TIAM1: variants seen among roughly 807,000 people sequenced by gnomAD.
TIAM1 encodes the protein TIAM Rac1 associated GEF 1, also known as rho guanine nucleotide exchange factor TIAM1.
A neutral mutation model predicts 163.5 loss-of-function variants in TIAM1; 65 were observed. The ratio of observed to expected loss-of-function variants is 0.40; its 90% CI spans 0.33 to 0.49. The LOEUF is 0.49. Among genes scored for constraint, TIAM1 ranks in the 20% least tolerant of loss-of-function variants. The probability of loss-of-function intolerance (pLI) is 0.77; values close to 1 mark genes in which losing one functional copy is unlikely to be tolerated. For missense variants in TIAM1, 1,789 were observed against 2,044.7 expected (o/e 0.87, Z 2.41); for synonymous variants, 833 against 810.1 (o/e 1.03, Z -0.48).
chr21:31,536,170 T>C (rs2048128497), intron 1 of TIAM1, among the ~76,000 whole-genome samples: 2 of 152,190 alleles, frequency 1.3e-5, no homozygotes, highest in South Asian at 4.1e-4. Flanking sequence ...AATCGGCTCA[T>C]TCACTCCTCA....
chr21:31,181,199 A>G (rs2084994852), intron 15 of TIAM1, among the ~76,000 whole-genome samples: 1 of 151,936 alleles, frequency 6.6e-6, no homozygotes, highest in African/African-American at 2.4e-5. Context: ...TCACTCACTC[A>G]CTCTCTTGCT....
intron 1 of TIAM1, among the ~76,000 whole-genome samples, chr21:31,551,384 T>G (rs1413697251): frequency 6.6e-6 from 1 of 151,350 alleles, no homozygotes; most frequent in Admixed American, 6.6e-5. Flanking sequence ...CACTCCAGCC[T>G]GGGGAACAGA....
At chr21:31,511,512 A>C (rs183086996) in intron 1 of TIAM1, among the ~76,000 whole-genome samples, 1 of 152,312 alleles carries the variant, frequency 6.6e-6, no homozygotes, top group East Asian at 1.9e-4. Context: ...AAAGGGCATG[A>C]TAATAATAGT....
chr21:31,386,004 A>C (rs2076865370), intron 2 of TIAM1, among the ~76,000 whole-genome samples: 1 of 150,618 alleles, frequency 6.6e-6, no homozygotes, highest in Admixed American at 6.6e-5. Context: ...AAATAACTGT[A>C]TTGTGCCTAT....
intron 15 of TIAM1, among the ~76,000 whole-genome samples, chr21:31,170,926 C>T (rs907046576): frequency 1.3e-5 from 2 of 150,880 alleles, no homozygotes; most frequent in African/African-American, 2.5e-5. Flanking sequence ...ATCCCAGCTA[C>T]TCAGGAGGCT....
In TIAM1 at chr21:31,525,948, C is replaced by T. The variant is rs986273337; in HGVS notation, c.-422+32979G>A. Among the ~76,000 whole-genome samples, 19 of 150,420 alleles carry T rather than the reference C, an allele frequency of 1.3e-4. 1 individual carries two copies. The highest frequency in any genetic ancestry group is 2.9e-5 in the Non-Finnish European group (2 of 67,842). On this transcript the variant is annotated intron_variant, in intron 1 of 28. Transcript: ENST00000286827. The stretch of plus-strand genomic sequence containing the variant: ...ACTCGAGAGGCTGAGGCAGGAGAAT[C>T]GCTTGAACCCGGGAGGCAGAGGTTG...
rs530583613 is a variant in TIAM1 at position 31,233,786 on chromosome 21, C to T, written c.1585-7836G>A. Among the ~76,000 whole-genome samples, 10 of 152,320 alleles carry T rather than the reference C, an allele frequency of 6.6e-5. No individual in the cohort carries two copies. The South Asian group carries it at 1.2e-3, about 19-fold the overall frequency. On this transcript the variant is annotated intron_variant, in intron 6 of 27. Coordinates refer to ENST00000541036, the MANE Select transcript of TIAM1 (RefSeq NM_001353694.2). Reference sequence around the variant, plus strand: ...AATGGATCCCTCTCACCCTCACCCACGCCGGGTTCATTCTTTGGAGAAGAA... The same window carrying T: ...AATGGATCCCTCTCACCCTCACCCATGCCGGGTTCATTCTTTGGAGAAGAA...
Position 31,390,659 on chromosome 21 carries a change from T to C in TIAM1, c.-368-51237A>G, listed in dbSNP as rs140857610. 2.0e-3 allele frequency among the ~76,000 whole-genome samples: 305 copies of C among 152,336 alleles called. 2 individuals carry two copies. The highest frequency in any genetic ancestry group is 3.4e-3 in the Non-Finnish European group (233 of 68,032). The stretch of plus-strand genomic sequence containing the variant: ...GAAATTTTTAAGCAAAACTTCATTA[T>C]GGTTCTTGAAAAGTAAAGTCTAAAA... On this transcript the variant is annotated intron_variant, in intron 2 of 28. Coordinates refer to the TIAM1 transcript ENST00000286827.
chr21:31,388,733 T>C lies in TIAM1; in HGVS notation c.-368-49311A>G, dbSNP rs138671905. Among the ~76,000 whole-genome samples the C allele has an allele frequency of 4.6e-3, 701 of 152,296 alleles. 8 individuals are homozygous for C. Among genetic ancestry groups the C allele is most frequent in the African/African-American group, 0.016 (657 of 41,560 alleles). On this transcript the variant is annotated intron_variant, in intron 2 of 28. Coordinates refer to the TIAM1 transcript ENST00000286827. Reference sequence around the variant, plus strand: ...ATGTTAAGCCCTGCTGCTTATGTTTTTATGCCTCAATTTCTTCATCTGTAA... The same window carrying C: ...ATGTTAAGCCCTGCTGCTTATGTTTCTATGCCTCAATTTCTTCATCTGTAA...
intron 2 of TIAM1, among the ~76,000 whole-genome samples, chr21:31,378,277 A>G (rs560316307): frequency 6.6e-6 from 1 of 152,298 alleles, no homozygotes; most frequent in Non-Finnish European, 1.5e-5. Context: ...TAGATAGGTA[A>G]CATTACTGTT....
At position 31,182,408 on chromosome 21, in the gene TIAM1, T is replaced by C. The variant is rs1359206996; in HGVS notation, c.2887+13A>G. The C allele has an allele frequency of 1.3e-6, 2 of 1,536,380 alleles. No homozygotes were observed. The stretch of plus-strand genomic sequence containing the variant: ...GAGTTCAGACTCGCCCCCAGCACCC[T>C]GCACAGCCATACCTGGGTTGCTGGT... On this transcript the variant is annotated intron_variant, in intron 15 of 27. Transcript: ENST00000541036.
chr21:31,371,304 C>A (rs905306067), intron 2 of TIAM1, among the ~76,000 whole-genome samples: 2 of 152,186 alleles, frequency 1.3e-5, no homozygotes, highest in Non-Finnish European at 2.9e-5. Context: ...TGTCTTGCTC[C>A]ACAGACTCCC....
chr21:31,142,630 CAA>C (rs35209332), intron 20 of TIAM1, among the ~76,000 whole-genome samples: 52,116 of 100,268 alleles, frequency 0.52, 9,995 homozygotes, highest in East Asian at 0.64. Flanking sequence ...GACTCCGTCT[CAA>C]AAAAAAAAAA....
intron 8 of TIAM1, among the ~76,000 whole-genome samples, chr21:31,222,690 T>C (rs2087637064): frequency 8.5e-5 from 3 of 35,220 alleles, no homozygotes; most frequent in Admixed American, 6.1e-4. Context: ...TATATATATA[T>C]ATATATATAT....
intron 2 of TIAM1, among the ~76,000 whole-genome samples, chr21:31,305,416 T>TAAAAAA (rs1242158906): frequency 8.5e-6 from 1 of 117,928 alleles, no homozygotes; most frequent in African/African-American, 3.4e-5. Flanking sequence ...AACTCTGAAA[T>TAAAAAA]AAAAATAAAA....
chr21:31,138,329 T>C (rs990105013), intron 22 of TIAM1, among the ~76,000 whole-genome samples: 4 of 152,206 alleles, frequency 2.6e-5, no homozygotes, highest in Admixed American at 1.3e-4. Flanking sequence ...GTGAACCTAT[T>C]TGCCTTCAGA....
chr21:31,235,365 T>G (rs2088694571), intron 6 of TIAM1, among the ~76,000 whole-genome samples: 1 of 152,220 alleles, frequency 6.6e-6, no homozygotes, highest in Non-Finnish European at 1.5e-5. Flanking sequence ...CAATACTATT[T>G]ATATGGTCAT....
At chr21:31,294,580 A>G (rs2074159693) in intron 2 of TIAM1, among the ~76,000 whole-genome samples, 1 of 152,174 alleles carries the variant, frequency 6.6e-6, no homozygotes. Flanking sequence ...AAAATTTAGC[A>G]CCTAGTAAGG....
At chr21:31,514,045 A>G (rs2047300532) in intron 1 of TIAM1, among the ~76,000 whole-genome samples, 1 of 152,076 alleles carries the variant, frequency 6.6e-6, no homozygotes, top group African/African-American at 2.4e-5. Context: ...CACATCCCCC[A>G]AAGGCCTGCG....
Sources: allele counts gnomAD v4.1 joint callset (sites outside exome capture counted in the v4.1 genomes callset), GRCh38; gene constraint gnomAD v4.1.1; transcripts MANE v1.5; gene names NCBI Gene and HGNC (gene_info 2026-07-23, HGNC 2026-07-21).